The following LARP4B variants were observed in gnomAD, a reference collection of about 807,000 sequenced individuals.
LARP4B encodes la-related protein 4B.
LARP4B carries 12 observed loss-of-function variants against 89.8 expected under a neutral mutation model. The observed-to-expected ratio is 0.13, with a 90% CI of 0.09 to 0.22. The LOEUF (loss-of-function observed/expected upper bound fraction) is 0.22, where lower values mean the gene tolerates loss of function less well. Among genes scored for constraint, LARP4B ranks in the 10% least tolerant of loss-of-function variants. LARP4B has a pLI of 1.00. For synonymous variants in LARP4B, 367 were observed against 363.3 expected (o/e 1.01, Z -0.12); for missense variants, 757 against 947.7 (o/e 0.80, Z 2.64).
At chr10:877,395 A>AAACAAACAG (rs1835501835) in intron 3 of LARP4B, among the ~76,000 whole-genome samples, 1 of 152,180 alleles carries the variant, frequency 6.6e-6, no homozygotes, top group African/African-American at 2.4e-5. Flanking sequence ...AAAACAAACA[A>AAACAAACAG]TTCTGAAAAG....
rs1198836451 is a variant in LARP4B, at chr10:812,292, C to T, written c.*634G>A. The T allele has an allele frequency of 2.0e-5, 3 of 152,606 alleles. No homozygotes were observed. The highest frequency in any genetic ancestry group is 4.4e-5 in the Non-Finnish European group (3 of 68,042). 9.5% of individuals were successfully genotyped at this position (152,606 alleles called of 1,614,324 possible). On this transcript the variant is annotated 3_prime_UTR_variant, in exon 18 of 18. Coordinates refer to ENST00000316157, the MANE Select transcript of LARP4B (RefSeq NM_015155.3). ...GTTACTTGCTTGCAGTGCATCAGAA[C>T]CAAGGTTTCTGGGGTGGCCCCTGCA...
the LARP4B span, among the ~76,000 whole-genome samples, chr10:981,168 A>C: frequency 0.12 from 18,350 of 152,262 alleles, 1,494 homozygotes; most frequent in Non-Finnish European, 0.18. Context: ...CCAGTTCCCA[A>C]TAATTTCCTC....
chr10:852,248 T>C (rs544260996), intron 5 of LARP4B, among the ~76,000 whole-genome samples: 1 of 152,242 alleles, frequency 6.6e-6, no homozygotes, highest in South Asian at 2.1e-4. Flanking sequence ...GTGTAAAAAT[T>C]CTAAGCAAAG....
the LARP4B span, among the ~76,000 whole-genome samples, chr10:984,353 G>A: frequency 3.9e-5 from 6 of 152,282 alleles, no homozygotes; most frequent in South Asian, 8.3e-4. Flanking sequence ...TTCCAAATAC[G>A]TGTATGATTA....
At chr10:966,629 G>A in the LARP4B span, among the ~76,000 whole-genome samples, 1 of 152,250 alleles carries the variant, frequency 6.6e-6, no homozygotes, top group Non-Finnish European at 1.5e-5. Flanking sequence ...CAGAACGGGA[G>A]TGTCAGCACC....
At chr10:968,354 G>A in the LARP4B span, among the ~76,000 whole-genome samples, 1 of 143,892 alleles carries the variant, frequency 6.9e-6, no homozygotes, top group African/African-American at 2.5e-5. Context: ...AATTAAAATA[G>A]TTCTTAGAGA....
intron 7 of LARP4B, 59 bp downstream of exon 7, chr10:842,873 G>A: frequency 4.7e-6 from 7 of 1,503,784 alleles, no homozygotes; most frequent in Non-Finnish European, 6.4e-6. Flanking sequence ...AAAGGTTCAT[G>A]CTGATAAGAC....
intron 5 of LARP4B, among the ~76,000 whole-genome samples, chr10:853,236 G>A (rs1312165937): frequency 6.6e-6 from 1 of 152,176 alleles, no homozygotes; most frequent in Non-Finnish European, 1.5e-5. Context: ...GTTCCAGAGT[G>A]CTGCAATCAA....
chr10:852,634 C>T (rs946052406), intron 5 of LARP4B, among the ~76,000 whole-genome samples: 1 of 152,078 alleles, frequency 6.6e-6, no homozygotes, highest in Non-Finnish European at 1.5e-5. Flanking sequence ...TCTAGTACAA[C>T]GGGGCAGGAT....
intron 1 of LARP4B, among the ~76,000 whole-genome samples, chr10:920,251 C>T (rs114024818): frequency 2.6e-3 from 389 of 152,298 alleles, no homozygotes; most frequent in African/African-American, 8.3e-3. Flanking sequence ...AACTAGCCAG[C>T]TGTATCTCTA....
Position 864,112 on chromosome 10 carries a change from G to A in LARP4B, c.289+11C>T, listed in dbSNP as rs1834769048. On this transcript the variant is annotated intron_variant, in intron 4 of 17. Transcript: ENST00000316157. ...GCAGGGGGCTGCACACCACGGCCAT[G>A]CTCAACTTACCCTGCGGGCCACGGT... 1 of 1,614,014 alleles carries A rather than the reference G, an allele frequency of 6.2e-7. No individual in the cohort carries two copies. The highest frequency in any genetic ancestry group is 8.5e-7 in the Non-Finnish European group (1 of 1,179,992).
At chr10:824,958 T>C in intron 13 of LARP4B, 107 bp downstream of exon 13, 1 of 1,163,542 alleles carries the variant, frequency 8.6e-7, no homozygotes. Context: ...TAGCCTTCAG[T>C]TAGATTTTCT....
At chr10:948,220 T>G in the LARP4B span, among the ~76,000 whole-genome samples, 1 of 152,196 alleles carries the variant, frequency 6.6e-6, no homozygotes. Context: ...AAAATTAAAC[T>G]GTTAATTTTG....
the LARP4B span, chr10:971,899 T>C: frequency 6.5e-6 from 1 of 154,626 alleles, no homozygotes; most frequent in African/African-American, 2.4e-5. Context: ...TGTAACCGTG[T>C]TGGGGCCTTT....
rs1246778001 is a variant in LARP4B at position 810,711 on chromosome 10, G to C, written c.*2215C>G. The C allele has an allele frequency of 6.6e-6, 1 of 152,228 alleles. No homozygotes were observed. Among genetic ancestry groups the C allele is most frequent in the African/African-American group, 2.4e-5 (1 of 41,454 alleles). 9.4% of individuals were successfully genotyped at this position (152,228 alleles called of 1,614,324 possible). A position where few individuals can be genotyped will look rare whatever the true frequency, so the allele number is the denominator to read the frequency against. ...TTCCGTAGCGAAGATGCAGCTCGTA[G>C]GCCCAGGCCTCGAGGTTGCCTCCCA... On this transcript the variant is annotated 3_prime_UTR_variant, in exon 18 of 18. Coordinates refer to ENST00000316157, the MANE Select transcript of LARP4B (RefSeq NM_015155.3).
At chr10:867,004 A>T (rs1204071374) in intron 3 of LARP4B, among the ~76,000 whole-genome samples, 1 of 152,204 alleles carries the variant, frequency 6.6e-6, no homozygotes, top group African/African-American at 2.4e-5. Flanking sequence ...AAGATATATG[A>T]GGAATGAATC....
chr10:973,358 CTT>C, the LARP4B span, among the ~76,000 whole-genome samples: 1 of 148,458 alleles, frequency 6.7e-6, no homozygotes, highest in African/African-American at 2.5e-5. Flanking sequence ...TTTTGGTGAA[CTT>C]TTTTTTTTTG....
At chr10:901,363 G>A (rs1221593697) in intron 1 of LARP4B, among the ~76,000 whole-genome samples, 1 of 152,152 alleles carries the variant, frequency 6.6e-6, no homozygotes, top group Non-Finnish European at 1.5e-5. Flanking sequence ...TTATCTCACG[G>A]CTGCCAGCAC....
Position 829,674 on chromosome 10 carries a change from T to G in LARP4B, c.915+7A>C. The G allele has an allele frequency of 6.2e-7, 1 of 1,612,802 alleles. No individual in the cohort carries two copies. The highest frequency in any genetic ancestry group is 1.1e-5 in the South Asian group (1 of 91,072). On this transcript the variant is annotated splice_region_variant and intron_variant, in intron 10 of 17. Transcript: ENST00000316157. Reference sequence around the variant, plus strand: ...ATAAACAAAGTATAACCAATGGTCTTGCTTACCTTAATTGGTTTTCCTTGA... The same window carrying G: ...ATAAACAAAGTATAACCAATGGTCTGGCTTACCTTAATTGGTTTTCCTTGA...
Sources: allele counts gnomAD v4.1 joint callset (sites outside exome capture counted in the v4.1 genomes callset), GRCh38; gene constraint gnomAD v4.1.1; transcripts MANE v1.5; gene names NCBI Gene and HGNC (gene_info 2026-07-23, HGNC 2026-07-21).